The following LTBP1 variants were observed in gnomAD, a reference collection of about 807,000 sequenced individuals.
The protein encoded by LTBP1 is latent-transforming growth factor beta-binding protein 1.
A neutral mutation model predicts 207.6 loss-of-function variants in LTBP1; 129 were observed. The ratio of observed to expected loss-of-function variants is 0.62; its 90% CI spans 0.54 to 0.72. LTBP1 has a LOEUF of 0.72. LTBP1 is among the 30% of genes least tolerant of loss of function. LTBP1 has a pLI of 0.00. For synonymous variants in LTBP1, 963 were observed against 833.7 expected (o/e 1.16, Z -2.67); for missense variants, 2,281 against 2,217.2 (o/e 1.03, Z -0.58).
rs183057075 is a variant in LTBP1, at chr2:33,341,259, T to C, written c.3731-1579T>C. Among the ~76,000 whole-genome samples the C allele has an allele frequency of 4.0e-5, 6 of 151,734 alleles. No individual in the cohort carries two copies. The East Asian group carries it at 5.8e-4, about 15-fold the overall frequency. Reference sequence around the variant, plus strand: ...TTAACATTTTTGAAGGCAGTGAGGGTAGGATCCAGGGGAGGAATAACTGAA... The same window carrying C: ...TTAACATTTTTGAAGGCAGTGAGGGCAGGATCCAGGGGAGGAATAACTGAA... On this transcript the variant is annotated intron_variant, in intron 24 of 33. Coordinates refer to ENST00000404816, the MANE Select transcript of LTBP1 (RefSeq NM_206943.4).
intron 3 of LTBP1, among the ~76,000 whole-genome samples, chr2:33,046,458 T>C (rs1026266218): frequency 3.3e-5 from 5 of 152,228 alleles, no homozygotes; most frequent in African/African-American, 7.2e-5. Context: ...CTCCCGGGGA[T>C]GAAGCCGACT....
intron 2 of LTBP1, among the ~76,000 whole-genome samples, chr2:32,977,561 T>C (rs1239892443): frequency 2.6e-5 from 4 of 152,218 alleles, no homozygotes; most frequent in East Asian, 3.9e-4. Flanking sequence ...ATAGGTGTCC[T>C]TGGACTTGAG....
At chr2:33,270,765 C>T (rs2093302943) in intron 15 of LTBP1, among the ~76,000 whole-genome samples, 1 of 152,080 alleles carries the variant, frequency 6.6e-6, no homozygotes. Context: ...TCTCTTAGTA[C>T]CCTCTAGTGG....
At chr2:33,099,564 C>A (rs1036978206) in intron 3 of LTBP1, among the ~76,000 whole-genome samples, 5 of 152,154 alleles carry the variant, frequency 3.3e-5, no homozygotes, top group African/African-American at 9.7e-5. Context: ...TCATAGAGTC[C>A]TGTACTTCAT....
At chr2:33,160,263 C>T (rs1364437768) in intron 5 of LTBP1, among the ~76,000 whole-genome samples, 2 of 152,264 alleles carry the variant, frequency 1.3e-5, no homozygotes, top group South Asian at 2.1e-4. Context: ...TCTGTAGCCA[C>T]GAAGAGAAAA....
intron 3 of LTBP1, among the ~76,000 whole-genome samples, chr2:33,081,345 C>T (rs950923214): frequency 5.3e-5 from 8 of 152,046 alleles, no homozygotes; most frequent in Non-Finnish European, 2.9e-5. Context: ...TAAACTCCAT[C>T]AATACCTATA....
intron 31 of LTBP1, among the ~76,000 whole-genome samples, chr2:33,371,595 T>C (rs1358865349): frequency 2.0e-5 from 3 of 152,190 alleles, no homozygotes; most frequent in African/African-American, 7.2e-5. Flanking sequence ...TTTGAGGCCT[T>C]TGGTTGCATA....
At chr2:33,215,676 G>T (rs1034897966) in intron 7 of LTBP1, among the ~76,000 whole-genome samples, 1 of 151,258 alleles carries the variant, frequency 6.6e-6, no homozygotes, top group South Asian at 2.1e-4. Context: ...CTGCTCACTA[G>T]CCTGGGGTAT....
At chr2:33,261,587 A>G (rs1289356325) in intron 13 of LTBP1, among the ~76,000 whole-genome samples, 1 of 152,156 alleles carries the variant, frequency 6.6e-6, no homozygotes, top group Non-Finnish European at 1.5e-5. Flanking sequence ...AAAAGTGTCA[A>G]TGGACGGGGC....
intron 4 of LTBP1, among the ~76,000 whole-genome samples, chr2:33,115,090 ATACACACATATATG>A (rs1365578188): frequency 3.8e-5 from 5 of 133,096 alleles, no homozygotes; most frequent in African/African-American, 1.4e-4. Flanking sequence ...ACAAATATAT[ATACACACATATATG>A]TACACACACA....
At chr2:33,247,970 G>A (rs2092564256) in intron 10 of LTBP1, among the ~76,000 whole-genome samples, 1 of 152,346 alleles carries the variant, frequency 6.6e-6, no homozygotes, top group East Asian at 1.9e-4. Context: ...CTGGGAGCCT[G>A]TGTCATCTTG....
intron 22 of LTBP1, among the ~76,000 whole-genome samples, chr2:33,307,516 G>A (rs551385935): frequency 6.6e-5 from 10 of 152,178 alleles, no homozygotes; most frequent in Non-Finnish European, 1.3e-4. Context: ...CTATTATGCC[G>A]AGAGGAAGAA....
At chr2:33,194,938 T>G (rs1443228330) in intron 7 of LTBP1, among the ~76,000 whole-genome samples, 1 of 152,232 alleles carries the variant, frequency 6.6e-6, no homozygotes, top group Non-Finnish European at 1.5e-5. Context: ...TTAAGAACTA[T>G]GTTAAATGTA....
chr2:33,099,349 T>G (rs1487215126), intron 3 of LTBP1, among the ~76,000 whole-genome samples: 2 of 152,242 alleles, frequency 1.3e-5, no homozygotes, highest in South Asian at 4.1e-4. Flanking sequence ...CCCTTTTTAT[T>G]TAGTTTATTT....
intron 15 of LTBP1, 111 bp downstream of exon 15, chr2:33,263,503 C>T: frequency 1.5e-6 from 1 of 667,528 alleles, no homozygotes; most frequent in Non-Finnish European, 2.6e-6. Context: ...GTTAGCCATA[C>T]TAGCAAATAT....
At chr2:33,229,773 A>G (rs2091682905) in intron 9 of LTBP1, among the ~76,000 whole-genome samples, 10 of 152,176 alleles carry the variant, frequency 6.6e-5, no homozygotes, top group Admixed American at 5.9e-4. Context: ...GCCTTAGTCA[A>G]TTCGCTGATG....
intron 5 of LTBP1, among the ~76,000 whole-genome samples, chr2:33,149,228 C>CAT (rs2083303484): frequency 1.2e-5 from 1 of 82,784 alleles, no homozygotes; most frequent in African/African-American, 4.7e-5. Flanking sequence ...CACAAAAAAA[C>CAT]AAAAAAAAAA....
chr2:33,207,841 G>T (rs1054801186), intron 7 of LTBP1, among the ~76,000 whole-genome samples: 1 of 152,228 alleles, frequency 6.6e-6, no homozygotes, highest in Admixed American at 6.5e-5. Context: ...TTAATTTGGA[G>T]CCATAGTTGA....
chr2:33,317,968 T>C (rs2094296635), intron 24 of LTBP1: 1 of 152,208 alleles, frequency 6.6e-6, no homozygotes, highest in Admixed American at 6.5e-5. Flanking sequence ...ATGTATAGAT[T>C]GAGTATTCCT....
Sources: gnomAD v4.1 joint callset for allele counts (sites outside exome capture counted in the v4.1 genomes callset) on GRCh38, gnomAD v4.1.1 for gene constraint, MANE v1.5 for transcripts, NCBI Gene and HGNC (gene_info 2026-07-23, HGNC 2026-07-21) for gene names.